Variants in EXOC4 observed in about 807,000 individuals in gnomAD.
EXOC4 encodes the protein SEC8-like 1.
EXOC4 carries 71 observed loss-of-function variants against 107.2 expected under a neutral mutation model. The observed-to-expected ratio is 0.66, with a 90% confidence interval of 0.55 to 0.81. The LOEUF (loss-of-function observed/expected upper bound fraction) is 0.81. Among genes scored for constraint, EXOC4 ranks in the 30% least tolerant of loss-of-function variants. The pLI is 0.00. For missense variants in EXOC4, 1,108 were observed against 1,189.6 expected, an observed-to-expected ratio of 0.93 and a Z score of 1.01; for synonymous variants, 456 against 441.2, an observed-to-expected ratio of 1.03 and a Z score of -0.42.
At chr7:133,937,615 AGGAACC>A (rs1800333698) in intron 13 of EXOC4, among the ~76,000 whole-genome samples, 1 of 152,210 alleles carries the variant, frequency 6.6e-6, no homozygotes, top group African/African-American at 2.4e-5. Flanking sequence ...CGCCATCCCC[AGGAACC>A]GTCACTGTAT....
intron 1 of EXOC4, among the ~76,000 whole-genome samples, chr7:133,260,073 C>T (rs1229164117): frequency 2.6e-5 from 4 of 152,062 alleles, no homozygotes; most frequent in Admixed American, 1.3e-4. Flanking sequence ...CCATTTCCAA[C>T]ACCACTTGTT....
chr7:133,738,167 C>T (rs531216174), intron 10 of EXOC4, among the ~76,000 whole-genome samples: 12 of 152,068 alleles, frequency 7.9e-5, no homozygotes, highest in African/African-American at 2.7e-4. Context: ...CTGCTTCGGC[C>T]TCCCAAAGTG....
chr7:134,029,435 T>C (rs1297081198), intron 17 of EXOC4, among the ~76,000 whole-genome samples: 1 of 152,202 alleles, frequency 6.6e-6, no homozygotes, highest in African/African-American at 2.4e-5. Flanking sequence ...GGATGGAGAA[T>C]AGCGGGGAAG....
chr7:133,842,693 G>A (rs1045212255), intron 11 of EXOC4, among the ~76,000 whole-genome samples: 66 of 151,832 alleles, frequency 4.3e-4, no homozygotes, highest in African/African-American at 3.4e-4. Context: ...CAATTGCTTC[G>A]TTATGAAATC....
At chr7:133,275,347 C>G (rs1793964832) in intron 2 of EXOC4, among the ~76,000 whole-genome samples, 176 bp downstream of exon 2, 1 of 152,070 alleles carries the variant, frequency 6.6e-6, no homozygotes, top group Non-Finnish European at 1.5e-5. Context: ...CAGAAGGCAT[C>G]CTCGGCTGAT....
intron 9 of EXOC4, among the ~76,000 whole-genome samples, chr7:133,567,088 G>C (rs1311350672): frequency 1.3e-5 from 2 of 151,936 alleles, no homozygotes; most frequent in Non-Finnish European, 2.9e-5. Context: ...ATTTAAATAG[G>C]CAATACATTC....
chr7:133,461,445 A>G (rs1403880721), intron 7 of EXOC4, among the ~76,000 whole-genome samples: 8 of 152,216 alleles, frequency 5.3e-5, no homozygotes, highest in African/African-American at 1.7e-4. Flanking sequence ...TGAATGAACT[A>G]TAGGCAAATA....
At chr7:133,675,877 T>C (rs751577646) in intron 10 of EXOC4, among the ~76,000 whole-genome samples, 56 of 152,178 alleles carry the variant, frequency 3.7e-4, no homozygotes, top group Non-Finnish European at 6.5e-4. Context: ...TTAATACTAA[T>C]TTATTCAACC....
chr7:133,764,870 A>T (rs1207467983), intron 10 of EXOC4, among the ~76,000 whole-genome samples: 1 of 151,976 alleles, frequency 6.6e-6, no homozygotes, highest in Non-Finnish European at 1.5e-5. Context: ...GGAAGGAGCA[A>T]ATTCAAAATA....
At chr7:133,560,756 AAAG>A (rs1170472891) in intron 9 of EXOC4, among the ~76,000 whole-genome samples, 2 of 152,222 alleles carry the variant, frequency 1.3e-5, no homozygotes, top group Middle Eastern at 3.2e-3. Context: ...AAGATGAGTA[AAAG>A]AAGAAAAAGT....
intron 16 of EXOC4, among the ~76,000 whole-genome samples, chr7:134,006,854 G>T (rs931334574): frequency 6.6e-6 from 1 of 152,184 alleles, no homozygotes; most frequent in African/African-American, 2.4e-5. Context: ...TTCTGAACCA[G>T]TGTCTCTCAA....
chr7:133,484,395 G>A (rs1270476801), intron 9 of EXOC4, among the ~76,000 whole-genome samples: 1 of 152,146 alleles, frequency 6.6e-6, no homozygotes, highest in African/African-American at 2.4e-5. Context: ...TTTAGTCTCT[G>A]CCGCTTCATT....
At chr7:133,875,042 G>A (rs1421421351) in intron 11 of EXOC4, among the ~76,000 whole-genome samples, 1 of 152,216 alleles carries the variant, frequency 6.6e-6, no homozygotes, top group Non-Finnish European at 1.5e-5. Context: ...TGACAAACTA[G>A]TTGGTGTGGA....
In EXOC4 at chr7:133,918,753, A is replaced by G. The variant is rs141443996; in HGVS notation, c.2027+1015A>G. Among the ~76,000 whole-genome samples the G allele has an allele frequency of 7.5e-3, 1,140 of 152,358 alleles. 15 individuals are homozygous for G. The highest frequency in any genetic ancestry group is 0.026 in the African/African-American group (1,090 of 41,574). On this transcript the variant is annotated intron_variant, in intron 13 of 17. Transcript: ENST00000253861. ...ACCTCTGTCACTTATAGAGCTGTGT[A>G]AAGTAGAAAAACAATGGTGGTAATA...
intron 14 of EXOC4, among the ~76,000 whole-genome samples, chr7:133,981,119 GT>G (rs1320136496): frequency 1.3e-5 from 2 of 152,164 alleles, no homozygotes; most frequent in African/African-American, 2.4e-5. Context: ...TTAATTCTCT[GT>G]TTTTTACTTC....
At chr7:133,436,500 T>TAA (rs565649959) in intron 7 of EXOC4, among the ~76,000 whole-genome samples, 3 of 141,380 alleles carry the variant, frequency 2.1e-5, no homozygotes, top group Admixed American at 1.4e-4. Flanking sequence ...AGTGTGGTGT[T>TAA]AAAAAAAAAA....
chr7:133,526,006 G>A (rs1181081233), intron 9 of EXOC4, among the ~76,000 whole-genome samples: 1 of 152,136 alleles, frequency 6.6e-6, no homozygotes, highest in South Asian at 2.1e-4. Flanking sequence ...CAGAGAGAGA[G>A]ACTGCGATTT....
At chr7:133,532,730 A>G (rs1791507031) in intron 9 of EXOC4, among the ~76,000 whole-genome samples, 1 of 152,118 alleles carries the variant, frequency 6.6e-6, no homozygotes, top group African/African-American at 2.4e-5. Flanking sequence ...TCCAATATAA[A>G]GATGTTTGGA....
At chr7:133,813,887 A>G (rs1797298340) in intron 10 of EXOC4, among the ~76,000 whole-genome samples, 1 of 152,120 alleles carries the variant, frequency 6.6e-6, no homozygotes, top group African/African-American at 2.4e-5. Flanking sequence ...TAGAGCGTTT[A>G]ACTGGTAATA....
Sources: allele counts gnomAD v4.1 joint callset (sites outside exome capture counted in the v4.1 genomes callset), GRCh38; gene constraint gnomAD v4.1.1; transcripts MANE v1.5; gene names NCBI Gene and HGNC (gene_info 2026-07-23, HGNC 2026-07-21).